Variants in TAFA4 observed in about 807,000 individuals in gnomAD.
The protein encoded by TAFA4 is TAFA chemokine like family member 4, also known as chemokine-like protein TAFA-4.
TAFA4 carries 20 observed loss-of-function variants against 21.1 expected under a neutral mutation model. That is an observed-to-expected ratio of 0.95 (90% CI 0.67 to 1.38). The LOEUF is 1.38. Ranked by LOEUF, TAFA4 falls within the 40% of genes most tolerant of loss-of-function variation. The pLI, the probability that TAFA4 is intolerant of heterozygous loss-of-function variation, is 0.00. For missense variants in TAFA4, 211 were observed against 180.9 expected, an observed-to-expected ratio of 1.17 and a Z score of -0.95; for synonymous variants, 71 against 67.4, an observed-to-expected ratio of 1.05 and a Z score of -0.26.
intron 3 of TAFA4, among the ~76,000 whole-genome samples, chr3:68,799,206 C>T (rs141641329): frequency 0.012 from 1,820 of 152,232 alleles, 42 homozygotes; most frequent in African/African-American, 0.041. Context: ...AACAATATAT[C>T]ATAATTTGAG....
intron 3 of TAFA4, among the ~76,000 whole-genome samples, chr3:68,871,675 T>C (rs2089484598): frequency 6.6e-6 from 1 of 152,038 alleles, no homozygotes; most frequent in African/African-American, 2.4e-5. Context: ...ATAAGCAGCA[T>C]ATATAAGGAA....
intron 3 of TAFA4, among the ~76,000 whole-genome samples, chr3:68,818,313 A>C (rs955396112): frequency 6.6e-6 from 1 of 152,184 alleles, no homozygotes; most frequent in Non-Finnish European, 1.5e-5. Context: ...GCATGTTACT[A>C]GAGTGTTGAG....
At chr3:68,895,613 G>A (rs1575662279) in intron 1 of TAFA4, among the ~76,000 whole-genome samples, 2 of 152,152 alleles carry the variant, frequency 1.3e-5, no homozygotes, top group South Asian at 4.1e-4. Flanking sequence ...GCTATGCACA[G>A]GGAACTTAGA....
At chr3:68,866,823 GA>G (rs373288248) in intron 3 of TAFA4, among the ~76,000 whole-genome samples, 1 of 151,250 alleles carries the variant, frequency 6.6e-6, no homozygotes, top group African/African-American at 2.4e-5. Context: ...AATAAAACCA[GA>G]AAAAAGTCTG....
At chr3:68,853,532 T>C (rs944860155) in intron 3 of TAFA4, among the ~76,000 whole-genome samples, 4 of 152,180 alleles carry the variant, frequency 2.6e-5, no homozygotes, top group African/African-American at 7.2e-5. Flanking sequence ...GATGGGTCTC[T>C]CCCTTCCCTG....
chr3:68,783,715 AAG>A (rs1703195075), intron 3 of TAFA4, among the ~76,000 whole-genome samples: 1 of 61,334 alleles, frequency 1.6e-5, no homozygotes, highest in Non-Finnish European at 4.3e-5. Context: ...GAGAAAGAAA[AAG>A]AAAGAAAGAA....
intron 3 of TAFA4, among the ~76,000 whole-genome samples, chr3:68,827,026 C>T (rs1189955915): frequency 3.3e-5 from 5 of 151,002 alleles, no homozygotes; most frequent in East Asian, 3.9e-4. Flanking sequence ...CTAACGCTAT[C>T]CCTCCCCCAG....
chr3:68,835,873 G>A (rs1704512200), intron 3 of TAFA4, among the ~76,000 whole-genome samples: 1 of 152,168 alleles, frequency 6.6e-6, no homozygotes, highest in Non-Finnish European at 1.5e-5. Context: ...TTTCACTTCA[G>A]GGCTGCCATT....
chr3:68,832,319 A>T (rs924384761), intron 3 of TAFA4, among the ~76,000 whole-genome samples: 4 of 152,082 alleles, frequency 2.6e-5, no homozygotes, highest in Admixed American at 1.3e-4. Context: ...TTGCGGTTTT[A>T]TCTACCTTTG....
intron 4 of TAFA4, among the ~76,000 whole-genome samples, chr3:68,747,286 G>T (rs943601914): frequency 1.3e-5 from 2 of 151,784 alleles, no homozygotes; most frequent in African/African-American, 2.4e-5. Flanking sequence ...ATACGGTTTG[G>T]CTCTGCCCCT....
chr3:68,732,076 T>C lies in TAFA4; in HGVS notation c.*1066A>G, dbSNP rs1702158724. On this transcript the variant is annotated 3_prime_UTR_variant, in exon 6 of 6. Coordinates refer to ENST00000295569, the MANE Select transcript of TAFA4 (RefSeq NM_182522.5). ...ATCTGGGTCAGTCATTCTTCATCTGTTTCATACGTTTCCGCATGACAGCAT... is the reference window on the plus strand; with the variant it reads ...ATCTGGGTCAGTCATTCTTCATCTGCTTCATACGTTTCCGCATGACAGCAT... 6.6e-6 allele frequency: 1 copy of C among 152,590 alleles called. No individual in the cohort carries two copies. Among genetic ancestry groups the C allele is most frequent in the African/African-American group, 2.4e-5 (1 of 41,446 alleles). 9.5% of individuals were successfully genotyped at this position (152,590 alleles called of 1,614,324 possible).
chr3:68,895,813 G>C (rs72938885), intron 1 of TAFA4, among the ~76,000 whole-genome samples: 1 of 152,162 alleles, frequency 6.6e-6, no homozygotes, highest in Non-Finnish European at 1.5e-5. Context: ...AGACAAACAG[G>C]TAAACAAGCA....
chr3:68,749,719 T>C lies in TAFA4; in HGVS notation c.286+3144A>G, dbSNP rs568811786. ...GAGACACAAGTTGAAAGACACAATC[T>C]CACCTTTCAGGGTACTGGCACTCTC... is the stretch of plus-strand genomic sequence containing the variant. On this transcript the variant is annotated intron_variant, in intron 4 of 5. Transcript: ENST00000295569. Among the ~76,000 whole-genome samples the C allele has an allele frequency of 2.6e-4, 39 of 152,322 alleles. 1 individual carries two copies. In the South Asian group the frequency reaches 7.1e-3, roughly 28 times the overall value.
chr3:68,850,599 T>A (rs544840755), intron 3 of TAFA4, among the ~76,000 whole-genome samples: 6 of 152,326 alleles, frequency 3.9e-5, no homozygotes, highest in African/African-American at 1.4e-4. Context: ...TGGTGTGAGA[T>A]ATTATCTCAC....
At chr3:68,845,694 G>C (rs1245172592) in intron 3 of TAFA4, among the ~76,000 whole-genome samples, 4 of 152,186 alleles carry the variant, frequency 2.6e-5, no homozygotes, top group African/African-American at 9.7e-5. Flanking sequence ...TCCTTCAGGA[G>C]CTCTTATAAG....
intron 3 of TAFA4, among the ~76,000 whole-genome samples, chr3:68,851,999 G>T (rs376414276): frequency 6.6e-5 from 10 of 151,988 alleles, no homozygotes; most frequent in East Asian, 3.9e-4. Context: ...GTCTGGGTGG[G>T]AGCCCAGGAA....
chr3:68,931,400 A>C (rs945833690), intron 1 of TAFA4, among the ~76,000 whole-genome samples: 12 of 151,986 alleles, frequency 7.9e-5, no homozygotes, highest in African/African-American at 2.9e-4. Flanking sequence ...TGGAGCCCCT[A>C]AACGTTAAAT....
intron 2 of TAFA4, among the ~76,000 whole-genome samples, chr3:68,884,717 T>A (rs1191461602): frequency 1.3e-5 from 2 of 152,184 alleles, no homozygotes; most frequent in Non-Finnish European, 2.9e-5. Flanking sequence ...ATGCCTTAAA[T>A]CAAAAGTCTC....
intron 3 of TAFA4, among the ~76,000 whole-genome samples, chr3:68,819,380 A>G (rs2106859668): frequency 6.6e-6 from 1 of 152,048 alleles, no homozygotes; most frequent in Admixed American, 6.6e-5. Flanking sequence ...TGCTCTGTCT[A>G]CAACTCCAGT....
Sources: allele counts gnomAD v4.1 joint callset (sites outside exome capture counted in the v4.1 genomes callset), GRCh38; gene constraint gnomAD v4.1.1; transcripts MANE v1.5; gene names NCBI Gene and HGNC (gene_info 2026-07-23, HGNC 2026-07-21).